The following ROBO2 variants were observed in gnomAD, a reference collection of about 807,000 sequenced individuals.
ROBO2 encodes roundabout guidance receptor 2, also known as roundabout homolog 2.
A neutral mutation model predicts 160.8 loss-of-function variants in ROBO2; 53 were observed. That is an observed-to-expected ratio of 0.33 (90% CI 0.26 to 0.41). The LOEUF (loss-of-function observed/expected upper bound fraction) is 0.41. Among genes scored for constraint, ROBO2 ranks in the 10% least tolerant of loss-of-function variants. The pLI is 1.00. For synonymous variants in ROBO2, 664 were observed against 611.7 expected (o/e 1.09, Z -1.26); for missense variants, 1,577 against 1,722.4 (o/e 0.92, Z 1.49).
chr3:76,259,853 G>A (rs1030059627), intron 2 of ROBO2, among the ~76,000 whole-genome samples: 2 of 152,114 alleles, frequency 1.3e-5, no homozygotes, highest in Non-Finnish European at 2.9e-5. Context: ...CTAAACCTGG[G>A]TAATAACATC....
chr3:77,578,067 C>T (rs1041602702), intron 15 of ROBO2, among the ~76,000 whole-genome samples: 26 of 152,024 alleles, frequency 1.7e-4, no homozygotes, highest in Admixed American at 7.2e-4. Flanking sequence ...CTAGATGCTA[C>T]TTTTGTGTAT....
At chr3:76,925,209 T>TAAAAAAA (rs2076908537) in intron 2 of ROBO2, among the ~76,000 whole-genome samples, 1 of 50,100 alleles carries the variant, frequency 2.0e-5, no homozygotes, top group East Asian at 5.8e-4. Context: ...AGACTCCGTC[T>TAAAAAAA]CAAAAAAAAA....
chr3:76,068,561 G>C (rs1006193432), intron 2 of ROBO2, among the ~76,000 whole-genome samples: 2 of 151,990 alleles, frequency 1.3e-5, no homozygotes, highest in African/African-American at 4.8e-5. Flanking sequence ...CCTTTCTTCT[G>C]TATCATCAAT....
At chr3:76,639,018 T>C (rs1038283588) in intron 2 of ROBO2, among the ~76,000 whole-genome samples, 1 of 152,142 alleles carries the variant, frequency 6.6e-6, no homozygotes, top group Non-Finnish European at 1.5e-5. Context: ...GGCACTTCTA[T>C]TCCAAAGACT....
chr3:75,941,340 A>G (rs1948045231), intron 2 of ROBO2, among the ~76,000 whole-genome samples: 2 of 152,196 alleles, frequency 1.3e-5, no homozygotes, highest in Non-Finnish European at 2.9e-5. Flanking sequence ...GGAGTGACAC[A>G]AAAATAATTA....
intron 2 of ROBO2, among the ~76,000 whole-genome samples, chr3:76,246,135 T>C (rs949903059): frequency 4.6e-5 from 7 of 152,116 alleles, no homozygotes; most frequent in Admixed American, 3.3e-4. Flanking sequence ...GTTTTTTTTT[T>C]CCAAACCAGA....
intron 2 of ROBO2, among the ~76,000 whole-genome samples, chr3:76,591,368 C>G (rs1168771806): frequency 3.3e-5 from 5 of 152,024 alleles, no homozygotes; most frequent in African/African-American, 1.2e-4. Context: ...AGATGAAAAT[C>G]CAGGCATACA....
intron 2 of ROBO2, among the ~76,000 whole-genome samples, chr3:76,964,772 C>T (rs2079949376): frequency 6.6e-6 from 1 of 152,108 alleles, no homozygotes; most frequent in East Asian, 1.9e-4. Flanking sequence ...TCTAGTATTC[C>T]CAAAGGTTTT....
chr3:77,519,895 C>T (rs759382617), intron 5 of ROBO2, among the ~76,000 whole-genome samples: 7 of 151,382 alleles, frequency 4.6e-5, no homozygotes, highest in Non-Finnish European at 1.0e-4. Context: ...ATGTTCTCAC[C>T]AGCAGTGTGT....
intron 2 of ROBO2, among the ~76,000 whole-genome samples, chr3:76,111,801 A>ACTCTCT (rs552241663): frequency 1.4e-5 from 2 of 146,368 alleles, no homozygotes; most frequent in Non-Finnish European, 3.0e-5. Flanking sequence ...GAGGGCAGCG[A>ACTCTCT]CTCTCTCTCT....
At chr3:77,628,447 T>TC (rs1217992577) in intron 23 of ROBO2, among the ~76,000 whole-genome samples, 1 of 139,464 alleles carries the variant, frequency 7.2e-6, no homozygotes, top group Admixed American at 7.2e-5. Context: ...TCTCTTTTTG[T>TC]GGGGGGGGGG....
intron 2 of ROBO2, among the ~76,000 whole-genome samples, chr3:76,517,624 C>G (rs2081406247): frequency 6.6e-6 from 1 of 152,148 alleles, no homozygotes; most frequent in African/African-American, 2.4e-5. Flanking sequence ...TCAATTAACC[C>G]ATTTTATGAT....
intron 2 of ROBO2, among the ~76,000 whole-genome samples, chr3:76,309,677 G>A (rs912282683): frequency 2.0e-5 from 3 of 152,092 alleles, no homozygotes; most frequent in Non-Finnish European, 4.4e-5. Flanking sequence ...ATACATAAGT[G>A]CATAATTCAT....
rs148147706 is a variant in ROBO2, at chr3:76,263,597, G to T, written c.109+325995G>T. 5.9e-5 allele frequency among the ~76,000 whole-genome samples: 9 copies of T among 152,116 alleles called. No homozygotes were observed. The East Asian group carries it at 1.7e-3, about 30-fold the overall frequency. ...CTGAATTGGAATTCAAAAGATCTAG[G>T]TTTCATGATTTTGAACAAGTAATGA... On this transcript the variant is annotated intron_variant, in intron 2 of 26. Transcript: ENST00000487694.
intron 2 of ROBO2, among the ~76,000 whole-genome samples, chr3:76,195,100 T>C (rs1254234183): frequency 6.6e-6 from 1 of 152,144 alleles, no homozygotes; most frequent in Non-Finnish European, 1.5e-5. Context: ...TGAAGAACAA[T>C]AGTAGGATTA....
chr3:76,081,544 G>T (rs1017968685), intron 2 of ROBO2, among the ~76,000 whole-genome samples: 3 of 152,244 alleles, frequency 2.0e-5, no homozygotes, highest in East Asian at 3.9e-4. Context: ...AATTGGATGA[G>T]AATGAAAAAT....
intron 2 of ROBO2, among the ~76,000 whole-genome samples, chr3:76,287,718 A>G (rs1159954131): frequency 6.6e-6 from 1 of 152,194 alleles, no homozygotes; most frequent in Non-Finnish European, 1.5e-5. Context: ...CAACTGTTTA[A>G]TCTCAAAGTT....
chr3:77,273,386 G>A (rs2059627405), intron 2 of ROBO2, among the ~76,000 whole-genome samples: 1 of 152,122 alleles, frequency 6.6e-6, no homozygotes, highest in Non-Finnish European at 1.5e-5. Flanking sequence ...ACTCAAGCAT[G>A]GATCCTTGCT....
intron 2 of ROBO2, among the ~76,000 whole-genome samples, chr3:76,046,505 C>G (rs2067454123): frequency 1.3e-5 from 2 of 151,208 alleles, no homozygotes; most frequent in Non-Finnish European, 1.5e-5. Context: ...AAAAATTAGC[C>G]GGGCGTGGTG....
Sources: gnomAD v4.1 joint callset for allele counts (sites outside exome capture counted in the v4.1 genomes callset) on GRCh38, gnomAD v4.1.1 for gene constraint, MANE v1.5 for transcripts, NCBI Gene and HGNC (gene_info 2026-07-23, HGNC 2026-07-21) for gene names.